ADAM10: variants seen among roughly 807,000 people sequenced by gnomAD.
ADAM10 encodes the protein ADAM metallopeptidase domain 10, also known as disintegrin and metalloproteinase domain-containing protein 10.
In ADAM10, 17 loss-of-function variants were observed where a neutral mutation model predicts 90.1. That is an observed-to-expected ratio of 0.19 (90% CI 0.13 to 0.28). ADAM10 has a LOEUF of 0.28. Among genes scored for constraint, ADAM10 ranks in the 10% least tolerant of loss-of-function variants. ADAM10 has a pLI of 1.00. For synonymous variants in ADAM10, 310 were observed against 298.6 expected (o/e 1.04, Z -0.40); for missense variants, 610 against 914.3 (o/e 0.67, Z 4.29).
intron 1 of ADAM10, among the ~76,000 whole-genome samples, chr15:58,744,454 C>T (rs1357188159): frequency 1.8e-4 from 27 of 151,848 alleles, no homozygotes; most frequent in Admixed American, 1.8e-3. Context: ...GAAACCTAAC[C>T]AAAAAGTTGG....
chr15:58,692,760 T>C lies in ADAM10; in HGVS notation c.207-10446A>G, dbSNP rs550132035. 328 of 603,462 alleles carry C rather than the reference T, an allele frequency of 5.4e-4. 4 individuals are homozygous for C. Among genetic ancestry groups the C allele is most frequent in the South Asian group, 4.4e-3 (321 of 72,568 alleles). The allele number at this position is 603,462 out of a possible 1,614,324, so 37.4% of individuals were successfully genotyped here. ...AATACTGTTCTTCGTCATTGTGCTT[T>C]GTGATGGCTACTTTCTCTGCCACCA... On this transcript the variant is annotated intron_variant, in intron 2 of 15. Transcript: ENST00000260408.
At chr15:58,687,723 A>G (rs1897644118) in intron 2 of ADAM10, among the ~76,000 whole-genome samples, 1 of 152,226 alleles carries the variant, frequency 6.6e-6, no homozygotes, top group African/African-American at 2.4e-5. Context: ...ATTTAGTAAT[A>G]AAAAGGAACA....
chr15:58,691,245 T>A, intron 2 of ADAM10: 2 of 979,130 alleles, frequency 2.0e-6, no homozygotes, highest in Non-Finnish European at 1.6e-6. Context: ...CTCCATTATC[T>A]TCTTCTCCTC....
chr15:58,748,203 G>A lies in ADAM10; in HGVS notation c.55+1277C>T, dbSNP rs1899853275. Reference sequence around the variant, plus strand: ...CAAACTATAACAGAAGTCTGCCTACGCAGTACCACCCTCGGACTCGGTAGA... The same window carrying A: ...CAAACTATAACAGAAGTCTGCCTACACAGTACCACCCTCGGACTCGGTAGA... On this transcript the variant is annotated intron_variant, in intron 1 of 15. Transcript: ENST00000260408. 3.3e-5 allele frequency: 5 copies of A among 152,298 alleles called. No individual in the cohort carries two copies. The South Asian group carries it at 1.0e-3, about 32-fold the overall frequency. 9.4% of individuals were successfully genotyped at this position (152,298 alleles called of 1,614,324 possible). A position where few individuals can be genotyped will look rare whatever the true frequency, so the allele number is the denominator to read the frequency against.
intron 9 of ADAM10, among the ~76,000 whole-genome samples, chr15:58,631,805 T>A (rs1396942198): frequency 6.6e-6 from 1 of 152,194 alleles, no homozygotes; most frequent in Non-Finnish European, 1.5e-5. Flanking sequence ...AAATTCCAAG[T>A]ACTCTTTTAA....
rs558522495 is a variant in ADAM10, at chr15:58,746,798, G to A, written c.55+2682C>T. ...AACATTTTTTAAAAAAGATGATGGAGTTAACTGGACTCAAACTGAAGTTTT... is the reference window on the plus strand; with the variant it reads ...AACATTTTTTAAAAAAGATGATGGAATTAACTGGACTCAAACTGAAGTTTT... On this transcript the variant is annotated intron_variant, in intron 1 of 15. Transcript: ENST00000260408. Among the ~76,000 whole-genome samples, 10 of 152,252 alleles carry A rather than the reference G, an allele frequency of 6.6e-5. No homozygotes were observed. In the South Asian group the frequency reaches 1.2e-3, roughly 19 times the overall value.
intron 14 of ADAM10, among the ~76,000 whole-genome samples, chr15:58,602,434 G>C (rs1483652422): frequency 6.6e-6 from 1 of 152,032 alleles, no homozygotes; most frequent in African/African-American, 2.4e-5. Context: ...CATACTGGTA[G>C]TGTTCCCCAT....
In ADAM10 at chr15:58,706,561, C is replaced by T. The variant is rs565820829; in HGVS notation, c.206+11016G>A. ...AGTATACTTTTTAAAATAGAAAAGT[C>T]ATTTTTTCAAGTTATCATAGGGAAG... is the stretch of plus-strand genomic sequence containing the variant. On this transcript the variant is annotated intron_variant, in intron 2 of 15. Transcript: ENST00000260408. Among the ~76,000 whole-genome samples, 31 of 151,928 alleles carry T rather than the reference C, an allele frequency of 2.0e-4. No individual in the cohort carries two copies. In the South Asian group the frequency reaches 4.3e-3, roughly 21 times the overall value.
At position 58,679,275 on chromosome 15, in the gene ADAM10, T is replaced by C; in HGVS notation, c.333A>G (p.Glu111=). ...TAACAGACCCATGGCTAAAACTTCCTTCTTCACCTATTAATGAAAGCAACA... is the reference window on the plus strand; with the variant it reads ...TAACAGACCCATGGCTAAAACTTCCCTCTTCACCTATTAATGAAAGCAACA... The part of the protein sequence containing the change: ...HIYTGHIYGE[E]GSFSHGSVID... Residue 111 remains glutamate (E), a synonymous_variant, in exon 4 of 16, where the codon GAA becomes GAG. Transcript: ENST00000260408. 6.2e-7 allele frequency: 1 copy of C among 1,614,020 alleles called. No individual in the cohort carries two copies. The highest frequency in any genetic ancestry group is 1.1e-5 in the South Asian group (1 of 91,072).
In ADAM10 at chr15:58,670,803, A is replaced by C. The variant is rs549354265; in HGVS notation, c.485-5606T>G. Reference sequence around the variant, plus strand: ...ATAGTCATTTCCCAATCAGCACAAAAATATTTTTATTTTTACTTTTTATTT... The same window carrying C: ...ATAGTCATTTCCCAATCAGCACAAACATATTTTTATTTTTACTTTTTATTT... On this transcript the variant is annotated intron_variant, in intron 4 of 15. Transcript: ENST00000260408. Among the ~76,000 whole-genome samples the C allele has an allele frequency of 3.3e-5, 5 of 152,282 alleles. No individual in the cohort carries two copies. In the South Asian group the frequency reaches 1.0e-3, roughly 32 times the overall value.
chr15:58,710,556 T>C (rs17236194), intron 2 of ADAM10, among the ~76,000 whole-genome samples: 22,512 of 152,112 alleles, frequency 0.15, 1,946 homozygotes, highest in South Asian at 0.34. Flanking sequence ...AAGAATACCA[T>C]ATCCTAGAAA....
intron 11 of ADAM10, among the ~76,000 whole-genome samples, chr15:58,612,840 A>G (rs979335652): frequency 6.6e-6 from 1 of 152,306 alleles, no homozygotes; most frequent in Admixed American, 6.5e-5. Flanking sequence ...CCAGAGTCAC[A>G]GATCCTGGTG....
intron 2 of ADAM10, among the ~76,000 whole-genome samples, chr15:58,684,961 T>G (rs908955225): frequency 2.0e-5 from 3 of 152,174 alleles, no homozygotes; most frequent in African/African-American, 7.2e-5. Context: ...TTGCTGGTGT[T>G]GGAAAATAGC....
intron 2 of ADAM10, chr15:58,704,228 T>C (rs1368622010): frequency 6.6e-6 from 1 of 152,202 alleles, no homozygotes; most frequent in Non-Finnish European, 1.5e-5. Flanking sequence ...AAATAATCCA[T>C]GATTCCACAT....
intron 1 of ADAM10, among the ~76,000 whole-genome samples, chr15:58,726,688 A>C (rs997800480): frequency 9.9e-5 from 15 of 151,896 alleles, no homozygotes; most frequent in African/African-American, 3.6e-4. Context: ...ACTCAGCCAT[A>C]TGAATAATTA....
chr15:58,692,845 T>C (rs771514436), intron 2 of ADAM10: 2 of 660,780 alleles, frequency 3.0e-6, no homozygotes, highest in Non-Finnish European at 5.8e-6. Context: ...TGCACAAGAC[T>C]GAAAAGCCTC....
At chr15:58,663,778 C>T (rs1332023783) in intron 5 of ADAM10, among the ~76,000 whole-genome samples, 1 of 151,964 alleles carries the variant, frequency 6.6e-6, no homozygotes, top group African/African-American at 2.4e-5. Context: ...TTCTTTGTTA[C>T]ATTTATTCTA....
chr15:58,692,932 G>A, intron 2 of ADAM10: 2 of 712,108 alleles, frequency 2.8e-6, no homozygotes, highest in Non-Finnish European at 5.3e-6. Flanking sequence ...GCCAATGCCT[G>A]TGTTGACCAA....
At chr15:58,730,569 A>G (rs996473101) in intron 1 of ADAM10, among the ~76,000 whole-genome samples, 1 of 152,236 alleles carries the variant, frequency 6.6e-6, no homozygotes, top group African/African-American at 2.4e-5. Flanking sequence ...GCCTTTGGTT[A>G]TAATTCACCT....
Sources: gnomAD v4.1 joint callset for allele counts (sites outside exome capture counted in the v4.1 genomes callset) on GRCh38, gnomAD v4.1.1 for gene constraint, MANE v1.5 for transcripts, NCBI Gene and HGNC (gene_info 2026-07-23, HGNC 2026-07-21) for gene names.